Variants in GRIN2B observed in about 807,000 individuals in gnomAD.
The protein encoded by GRIN2B is glutamate ionotropic receptor NMDA type subunit 2B, also known as glutamate receptor ionotropic, NMDA 2B.
Under a neutral mutation model 114.5 loss-of-function variants are expected in GRIN2B, and 5 were observed. The observed-to-expected ratio is 0.04, with a 90% CI of 0.02 to 0.09. The LOEUF is 0.09. Among genes scored for constraint, GRIN2B ranks in the 10% least tolerant of loss-of-function variants. GRIN2B has a pLI of 1.00. For missense variants in GRIN2B, 1,108 were observed against 1,943.5 expected (o/e 0.57, Z 8.08); for synonymous variants, 787 against 745.1 (o/e 1.06, Z -0.92).
At chr12:13,571,182 C>G (rs113593817) in intron 11 of GRIN2B, among the ~76,000 whole-genome samples, 12 of 152,276 alleles carry the variant, frequency 7.9e-5, no homozygotes, top group African/African-American at 2.9e-4. Context: ...ACCTCCAAAT[C>G]CCAACATCTA....
intron 3 of GRIN2B, among the ~76,000 whole-genome samples, chr12:13,768,459 G>A (rs1434018440): frequency 6.6e-6 from 1 of 152,218 alleles, no homozygotes; most frequent in Admixed American, 6.5e-5. Flanking sequence ...TAATGAGGAA[G>A]CAGAAGCTAT....
At chr12:13,854,584 G>A (rs1431764962) in intron 3 of GRIN2B, among the ~76,000 whole-genome samples, 1 of 152,056 alleles carries the variant, frequency 6.6e-6, no homozygotes, top group Non-Finnish European at 1.5e-5. Context: ...AAACACTAGT[G>A]CTAAAAGACG....
At chr12:13,698,458 C>T (rs1950281143) in intron 4 of GRIN2B, among the ~76,000 whole-genome samples, 1 of 152,002 alleles carries the variant, frequency 6.6e-6, no homozygotes, top group Non-Finnish European at 1.5e-5. Context: ...TCTGAATAAA[C>T]AAAATATATT....
chr12:13,830,937 A>T (rs941084170), intron 3 of GRIN2B, among the ~76,000 whole-genome samples: 1 of 152,158 alleles, frequency 6.6e-6, no homozygotes, highest in Admixed American at 6.5e-5. Context: ...TCGATCCCCA[A>T]TGTTGGAGGT....
At chr12:13,891,954 A>T (rs10845857) in intron 2 of GRIN2B, among the ~76,000 whole-genome samples, 43,222 of 152,128 alleles carry the variant, frequency 0.28, 6,562 homozygotes, top group Non-Finnish European at 0.33. Flanking sequence ...AGAAGCATAC[A>T]TCTAATAAAA....
intron 2 of GRIN2B, among the ~76,000 whole-genome samples, chr12:13,909,782 T>C (rs968433917): frequency 1.3e-5 from 2 of 152,180 alleles, no homozygotes; most frequent in Non-Finnish European, 2.9e-5. Context: ...AAGGGTGCTG[T>C]AAATCACAGA....
chr12:13,594,321 A>G (rs1481189175), intron 10 of GRIN2B, among the ~76,000 whole-genome samples: 1 of 152,240 alleles, frequency 6.6e-6, no homozygotes, highest in Non-Finnish European at 1.5e-5. Context: ...TGGCACATAT[A>G]TACCATGGAA....
intron 2 of GRIN2B, among the ~76,000 whole-genome samples, chr12:13,883,866 G>C (rs528662544): frequency 6.6e-6 from 1 of 152,160 alleles, no homozygotes; most frequent in South Asian, 2.1e-4. Context: ...CTAAACAAAG[G>C]ATATAAAGAT....
At chr12:13,914,577 T>A (rs901786295) in intron 2 of GRIN2B, among the ~76,000 whole-genome samples, 2 of 152,076 alleles carry the variant, frequency 1.3e-5, no homozygotes, top group East Asian at 3.8e-4. Flanking sequence ...TGGGTATACA[T>A]CCCAAAGAAA....
In GRIN2B at chr12:13,649,102, C is replaced by T. The variant is rs533896174; in HGVS notation, c.1125+26643G>A. ...TCCCTGCTACCTCTGAGCTCAGCTT[C>T]CTCATTTGGAGGGAATATTACTGAT... On this transcript the variant is annotated intron_variant, in intron 5 of 13. Coordinates refer to ENST00000609686, the MANE Select transcript of GRIN2B (RefSeq NM_000834.5). Among the ~76,000 whole-genome samples the T allele has an allele frequency of 6.6e-5, 10 of 152,194 alleles. No individual in the cohort carries two copies. In the East Asian group the frequency reaches 1.9e-3, roughly 30 times the overall value.
intron 2 of GRIN2B, among the ~76,000 whole-genome samples, chr12:13,894,027 T>C (rs1384584717): frequency 6.6e-6 from 1 of 152,024 alleles, no homozygotes; most frequent in African/African-American, 2.4e-5. Flanking sequence ...TGGAGTGTAA[T>C]TTTTACCTAC....
At position 13,874,747 on chromosome 12, in the gene GRIN2B, C is replaced by T. The variant is rs144917976; in HGVS notation, c.-18-8521G>A. Reference sequence around the variant, plus strand: ...TTGTCACTATCTATTAAGAGGGGGACGGGCAGTGAAAATGAGCAGATGATA... The same window carrying T: ...TTGTCACTATCTATTAAGAGGGGGATGGGCAGTGAAAATGAGCAGATGATA... On this transcript the variant is annotated intron_variant, in intron 2 of 13. Transcript: ENST00000609686. Among the ~76,000 whole-genome samples, 264 of 152,018 alleles carry T rather than the reference C, an allele frequency of 1.7e-3. 1 individual carries two copies. The Middle Eastern group carries it at 0.041, about 24-fold the overall frequency.
At chr12:13,566,963 T>G (rs1456185506) in intron 13 of GRIN2B, 62 bp downstream of exon 13, 7 of 1,137,918 alleles carry the variant, frequency 6.2e-6, no homozygotes, top group Non-Finnish European at 9.4e-6. Context: ...TCTCTCTGCT[T>G]TGCACAGTGC....
intron 10 of GRIN2B, among the ~76,000 whole-genome samples, chr12:13,599,003 C>T (rs1462770982): frequency 6.6e-6 from 1 of 152,190 alleles, no homozygotes; most frequent in Admixed American, 6.5e-5. Context: ...GTCGGCTTGC[C>T]TGCTCGTTTT....
chr12:13,925,465 C>A (rs1406259960), intron 2 of GRIN2B, among the ~76,000 whole-genome samples: 3 of 152,192 alleles, frequency 2.0e-5, no homozygotes, highest in African/African-American at 7.2e-5. Flanking sequence ...CTTCAAAGCA[C>A]AGCTTCTTTT....
At chr12:13,949,623 G>A (rs1486665876) in intron 2 of GRIN2B, among the ~76,000 whole-genome samples, 1 of 152,216 alleles carries the variant, frequency 6.6e-6, no homozygotes. Context: ...ACAGGAGGGT[G>A]TCAGGTACCA....
chr12:13,680,800 T>C (rs1343489324), intron 4 of GRIN2B, among the ~76,000 whole-genome samples: 1 of 152,134 alleles, frequency 6.6e-6, no homozygotes, highest in African/African-American at 2.4e-5. Flanking sequence ...TTTAGCATTC[T>C]TGAATCACAT....
At chr12:13,807,605 C>T (rs960344255) in intron 3 of GRIN2B, among the ~76,000 whole-genome samples, 11 of 151,166 alleles carry the variant, frequency 7.3e-5, no homozygotes, top group South Asian at 2.1e-4. Flanking sequence ...TGCTTGATTA[C>T]GGAAATTAAT....
chr12:13,766,287 G>A (rs1863787070), intron 3 of GRIN2B, among the ~76,000 whole-genome samples: 1 of 152,224 alleles, frequency 6.6e-6, no homozygotes, highest in Non-Finnish European at 1.5e-5. Context: ...CCATCATGAA[G>A]TTTAGAATAT....
Sources: gnomAD v4.1 joint callset for allele counts (sites outside exome capture counted in the v4.1 genomes callset) on GRCh38, gnomAD v4.1.1 for gene constraint, MANE v1.5 for transcripts, NCBI Gene and HGNC (gene_info 2026-07-23, HGNC 2026-07-21) for gene names.